The following CSMD1 variants were observed in gnomAD, a reference collection of about 807,000 sequenced individuals.
CSMD1 encodes CUB and Sushi multiple domains 1, also known as CUB and sushi domain-containing protein 1.
Under a neutral mutation model 417.5 loss-of-function variants are expected in CSMD1, and 213 were observed. That is an observed-to-expected ratio of 0.51 (90% CI 0.46 to 0.57). CSMD1 has a LOEUF of 0.57. Ranked by LOEUF, CSMD1 falls within the 20% of genes least tolerant of loss-of-function variation. The pLI is 0.00. For missense variants in CSMD1, 6,923 were observed against 4,529.7 expected, an observed-to-expected ratio of 1.53 and a Z score of -15.17; for synonymous variants, 2,862 against 1,736.8, an observed-to-expected ratio of 1.65 and a Z score of -16.11.
intron 17 of CSMD1, among the ~76,000 whole-genome samples, chr8:3,393,769 C>T (rs1199633997): frequency 6.6e-6 from 1 of 151,166 alleles, no homozygotes; most frequent in Non-Finnish European, 1.5e-5. Context: ...TGTTCTCACT[C>T]ATAGGTGGGA....
intron 8 of CSMD1, among the ~76,000 whole-genome samples, chr8:3,607,378 T>G (rs1361946004): frequency 6.6e-6 from 1 of 152,174 alleles, no homozygotes; most frequent in Admixed American, 6.5e-5. Flanking sequence ...AACTTTTGTG[T>G]TTTTTATAAG....
At chr8:3,781,655 G>A (rs1799190394) in intron 5 of CSMD1, among the ~76,000 whole-genome samples, 2 of 152,208 alleles carry the variant, frequency 1.3e-5, no homozygotes, top group East Asian at 3.9e-4. Context: ...CCTGTGATGT[G>A]AATGGCAGGT....
At chr8:3,097,772 A>G (rs538508964) in intron 46 of CSMD1, among the ~76,000 whole-genome samples, 37 of 152,106 alleles carry the variant, frequency 2.4e-4, no homozygotes, top group Non-Finnish European at 4.1e-4. Flanking sequence ...GGTGGGGGGA[A>G]CTACTGTACT....
chr8:4,921,175 G>C (rs933311863), intron 1 of CSMD1, among the ~76,000 whole-genome samples: 4 of 152,092 alleles, frequency 2.6e-5, no homozygotes, highest in Non-Finnish European at 2.9e-5. Flanking sequence ...GTGATTTAGG[G>C]TCAGAAACAG....
intron 25 of CSMD1, among the ~76,000 whole-genome samples, chr8:3,288,050 A>C (rs190200257): frequency 1.4e-5 from 2 of 147,320 alleles, no homozygotes; most frequent in Admixed American, 1.3e-4. Flanking sequence ...TTCTGCATCT[A>C]TTGAGATAAT....
chr8:3,673,242 G>A lies in CSMD1; in HGVS notation c.1009+35172C>T, dbSNP rs75680834. Among the ~76,000 whole-genome samples, 1,013 of 152,166 alleles carry A rather than the reference G, an allele frequency of 6.7e-3. 14 individuals carry two copies. Among genetic ancestry groups the A allele is most frequent in the African/African-American group, 0.023 (965 of 41,512 alleles). On this transcript the variant is annotated intron_variant, in intron 7 of 69. Coordinates refer to ENST00000635120, the MANE Select transcript of CSMD1 (RefSeq NM_033225.6). ...AACCACAATAAACATTTCCAAATTC[G>A]TTTCTATTGAACACATGCTCTTTGT...
chr8:4,920,726 G>C (rs925625742), intron 1 of CSMD1, among the ~76,000 whole-genome samples: 4 of 151,882 alleles, frequency 2.6e-5, no homozygotes, highest in East Asian at 1.9e-4. Flanking sequence ...AGAAGGCTAA[G>C]GCAGGAGAAT....
chr8:3,135,848 G>C (rs1469837838), intron 41 of CSMD1, among the ~76,000 whole-genome samples: 3 of 152,118 alleles, frequency 2.0e-5, no homozygotes, highest in African/African-American at 7.2e-5. Flanking sequence ...GAGAAGCAGG[G>C]TCCTGTCCTT....
rs369415888 is a variant in CSMD1, at chr8:3,151,509, G to A, written c.5919C>T (p.Thr1973=). ...CCAAGGTGCTCAGCGTCCCTCCACA[G>A]GTTGCTGTTAAGTGGACAAGATGTC... ...WNYPSPLCIA[T]CGGTLSTLGG... Residue 1973 remains threonine (T), a synonymous_variant, in exon 40 of 70, where the codon ACC becomes ACT. Coordinates refer to ENST00000635120, the MANE Select transcript of CSMD1 (RefSeq NM_033225.6). 2 of 1,609,266 alleles carry A rather than the reference G, an allele frequency of 1.2e-6. No individual in the cohort carries two copies. The highest frequency in any genetic ancestry group is 4.5e-5 in the East Asian group (2 of 44,808).
intron 3 of CSMD1, among the ~76,000 whole-genome samples, chr8:4,249,405 G>C (rs907517241): frequency 1.3e-5 from 2 of 152,192 alleles, no homozygotes; most frequent in African/African-American, 2.4e-5. Context: ...CTTTTGCAAA[G>C]TAAACTAATA....
At chr8:4,767,578 C>T (rs976067672) in intron 1 of CSMD1, among the ~76,000 whole-genome samples, 10 of 152,252 alleles carry the variant, frequency 6.6e-5, no homozygotes, top group South Asian at 2.1e-4. Context: ...CCTCCCTTTC[C>T]GCATTCATCA....
intron 1 of CSMD1, among the ~76,000 whole-genome samples, chr8:4,843,151 T>C (rs947933448): frequency 2.0e-5 from 3 of 152,302 alleles, no homozygotes; most frequent in African/African-American, 4.8e-5. Context: ...AAGGGTACAC[T>C]ACCAGTCTTC....
At chr8:3,554,635 T>A (rs1799063049) in intron 10 of CSMD1, among the ~76,000 whole-genome samples, 1 of 152,168 alleles carries the variant, frequency 6.6e-6, no homozygotes, top group East Asian at 1.9e-4. Context: ...GTGGGAGAAA[T>A]AGCCCATGAA....
chr8:4,032,589 C>T (rs1797405029), intron 3 of CSMD1, among the ~76,000 whole-genome samples: 1 of 152,172 alleles, frequency 6.6e-6, no homozygotes, highest in Admixed American at 6.5e-5. Context: ...GCTCAATCAA[C>T]ATTTGATGGA....
intron 3 of CSMD1, among the ~76,000 whole-genome samples, chr8:4,173,161 A>G (rs1797860063): frequency 6.6e-6 from 1 of 152,216 alleles, no homozygotes; most frequent in Non-Finnish European, 1.5e-5. Context: ...ATTGATTATA[A>G]TAGCGCATAA....
intron 5 of CSMD1, among the ~76,000 whole-genome samples, chr8:3,794,674 C>T (rs1036892484): frequency 2.6e-5 from 4 of 151,528 alleles, no homozygotes; most frequent in Non-Finnish European, 4.4e-5. Flanking sequence ...GGTATTTATC[C>T]TACTGGAAAA....
At chr8:3,698,276 T>G (rs1391694306) in intron 7 of CSMD1, among the ~76,000 whole-genome samples, 3 of 152,176 alleles carry the variant, frequency 2.0e-5, no homozygotes, top group Admixed American at 2.0e-4. Context: ...TGATGAAGCA[T>G]TTTTTACAAT....
intron 7 of CSMD1, among the ~76,000 whole-genome samples, chr8:3,691,776 T>G (rs1307213399): frequency 2.6e-5 from 2 of 77,612 alleles, no homozygotes; most frequent in Non-Finnish European, 3.7e-5. Flanking sequence ...TTTTACACAT[T>G]TATTTCTCTT....
At chr8:3,299,872 G>A (rs761908380) in intron 25 of CSMD1, among the ~76,000 whole-genome samples, 5 of 152,106 alleles carry the variant, frequency 3.3e-5, no homozygotes, top group African/African-American at 4.8e-5. Context: ...ATGTAGAGAC[G>A]CCCAATTTCT....
Sources: allele counts gnomAD v4.1 joint callset (sites outside exome capture counted in the v4.1 genomes callset), GRCh38; gene constraint gnomAD v4.1.1; transcripts MANE v1.5; gene names NCBI Gene and HGNC (gene_info 2026-07-23, HGNC 2026-07-21).